Variants in PMM2 observed in about 807,000 individuals in gnomAD.
PMM2 encodes the protein phosphomannomutase 2, also known as mannose-6-phosphate isomerase.
PMM2 carries 35 observed loss-of-function variants against 33.2 expected under a neutral mutation model. The ratio of observed to expected loss-of-function variants is 1.06; its 90% confidence interval spans 0.81 to 1.40. PMM2 has a LOEUF of 1.40. Ranked by LOEUF, PMM2 falls within the 40% of genes most tolerant of loss-of-function variation. The probability of loss-of-function intolerance (pLI) is 0.00; values close to 1 mark genes in which losing one functional copy is unlikely to be tolerated. For synonymous variants in PMM2, 153 were observed against 114.7 expected, an observed-to-expected ratio of 1.33 and a Z score of -2.13; for missense variants, 386 against 306.0, an observed-to-expected ratio of 1.26 and a Z score of -1.95.
Position 8,848,535 on chromosome 16 carries a change from G to T in PMM2, c.*710G>T, listed in dbSNP as rs977331076. On this transcript the variant is annotated 3_prime_UTR_variant, in exon 8 of 8. Transcript: ENST00000268261. The stretch of plus-strand genomic sequence containing the variant: ...GTGTTCACTACACTCAGAATAGCCT[G>T]GCTGCTTCTCTGTCTCCGAGACCGG... 6.6e-6 allele frequency: 1 copy of T among 152,626 alleles called. No homozygotes were observed. The highest frequency in any genetic ancestry group is 2.4e-5 in the African/African-American group (1 of 41,472). The allele number at this position is 152,626 out of a possible 1,614,324, so 9.5% of individuals were successfully genotyped here.
intron 7 of PMM2, among the ~76,000 whole-genome samples, chr16:8,837,978 G>A (rs908947704): frequency 5.3e-5 from 8 of 152,220 alleles, no homozygotes; most frequent in African/African-American, 1.7e-4. Context: ...TGTTTCATGC[G>A]CGTCCGTGTG....
intron 7 of PMM2, among the ~76,000 whole-genome samples, chr16:8,827,848 A>ATATATATGTTATATATT (rs1289299089): frequency 0.015 from 1,027 of 69,822 alleles, 21 homozygotes; most frequent in African/African-American, 0.049. Context: ...TATAATATAT[A>ATATATATGTTATATATT]ATATATATGT....
In PMM2 at chr16:8,806,311, T is replaced by A. The variant is rs1430962288; in HGVS notation, c.256-5T>A. On this transcript the variant is annotated splice_polypyrimidine_tract_variant and splice_region_variant and intron_variant, in intron 3 of 7. Coordinates refer to ENST00000268261, the MANE Select transcript of PMM2 (RefSeq NM_000303.3). Reference sequence around the variant, plus strand: ...TCAAGTAACTCAAGTATTTTCTTCATCTAGAATATTCAAAGTCATCTGGGT... The same window carrying A: ...TCAAGTAACTCAAGTATTTTCTTCAACTAGAATATTCAAAGTCATCTGGGT... 1 of 1,564,344 alleles carries A rather than the reference T, an allele frequency of 6.4e-7. No homozygotes were observed. The highest frequency in any genetic ancestry group is 1.7e-5 in the Admixed American group (1 of 59,972).
chr16:8,845,891 A>G (rs1373109208), intron 7 of PMM2, among the ~76,000 whole-genome samples: 2 of 150,628 alleles, frequency 1.3e-5, no homozygotes, highest in Non-Finnish European at 2.9e-5. Flanking sequence ...CTGAGGCAGG[A>G]GGTTCGCTCG....
intron 7 of PMM2, among the ~76,000 whole-genome samples, chr16:8,841,380 C>T (rs1293266110): frequency 6.6e-6 from 1 of 150,818 alleles, no homozygotes; most frequent in Non-Finnish European, 1.5e-5. Flanking sequence ...GTGAAAGTGT[C>T]TACTTAGACT....
At chr16:8,832,865 G>A (rs1429847590) in intron 7 of PMM2, 48 of 985,410 alleles carry the variant, frequency 4.9e-5, no homozygotes, top group South Asian at 9.4e-5. Flanking sequence ...GTGCCCTCAC[G>A]TCCCTCAGAT....
At chr16:8,847,485 C>A (rs1367853676) in intron 7 of PMM2, among the ~76,000 whole-genome samples, 1 of 151,998 alleles carries the variant, frequency 6.6e-6, no homozygotes, top group African/African-American at 2.4e-5. Flanking sequence ...CGTGATGGCT[C>A]TCATAGGCAT....
intron 7 of PMM2, among the ~76,000 whole-genome samples, chr16:8,814,632 C>T (rs1409681132): frequency 4.6e-5 from 7 of 152,234 alleles, no homozygotes; most frequent in African/African-American, 7.2e-5. Flanking sequence ...AGGGATTTGC[C>T]GAAGGTCACA....
intron 4 of PMM2, chr16:8,809,688 G>C (rs2060667523): frequency 6.6e-6 from 1 of 152,080 alleles, no homozygotes; most frequent in Non-Finnish European, 1.5e-5. Context: ...CTGACCTCAA[G>C]GAATCCGCCC....
intron 1 of PMM2, among the ~76,000 whole-genome samples, chr16:8,800,840 C>T (rs1036587577): frequency 6.6e-6 from 1 of 152,056 alleles, no homozygotes; most frequent in Non-Finnish European, 1.5e-5. Context: ...CCCACCAGCG[C>T]GCCCGCCTAA....
At chr16:8,836,737 C>T (rs2060850739) in intron 7 of PMM2, among the ~76,000 whole-genome samples, 1 of 151,998 alleles carries the variant, frequency 6.6e-6, no homozygotes. Flanking sequence ...GAGAATAAGA[C>T]GGCCTTTTGA....
intron 7 of PMM2, among the ~76,000 whole-genome samples, chr16:8,833,342 A>T (rs1045213933): frequency 2.6e-5 from 4 of 152,164 alleles, no homozygotes; most frequent in African/African-American, 9.7e-5. Flanking sequence ...GCAAATCACA[A>T]TGGTGGGATG....
At chr16:8,835,912 T>C (rs572973449) in intron 7 of PMM2, among the ~76,000 whole-genome samples, 212 of 151,694 alleles carry the variant, frequency 1.4e-3, no homozygotes, top group African/African-American at 4.8e-3. Context: ...AGGCTTTGGA[T>C]TGGGAAGAAG....
chr16:8,832,637 C>T, intron 7 of PMM2: 2 of 985,426 alleles, frequency 2.0e-6, no homozygotes, highest in Non-Finnish European at 2.4e-6. Flanking sequence ...GCTGCAGGAG[C>T]CTCCTAACTG....
At chr16:8,827,618 ACTC>A (rs2060777139) in intron 7 of PMM2, among the ~76,000 whole-genome samples, 1 of 142,664 alleles carries the variant, frequency 7.0e-6, no homozygotes, top group Admixed American at 7.3e-5. Flanking sequence ...CTGGTCTTGA[ACTC>A]CTGACCTCAA....
chr16:8,813,183 T>G, intron 7 of PMM2, 77 bp downstream of exon 7: 1 of 934,248 alleles, frequency 1.1e-6, no homozygotes, highest in Non-Finnish European at 1.8e-6. Context: ...GGGCTGTTTT[T>G]CCTGTACCTA....
chr16:8,808,036 T>G (rs2060656668), intron 4 of PMM2: 1 of 152,200 alleles, frequency 6.6e-6, no homozygotes, highest in South Asian at 2.1e-4. Context: ...ATGTAACACC[T>G]TAATCATCAG....
chr16:8,813,447 C>T (rs1192182414), intron 7 of PMM2, among the ~76,000 whole-genome samples: 1 of 152,190 alleles, frequency 6.6e-6, no homozygotes, highest in African/African-American at 2.4e-5. Context: ...GTTTCAACCT[C>T]ATTTTTCCAC....
chr16:8,799,523 T>C (rs2060599423), intron 1 of PMM2, among the ~76,000 whole-genome samples: 1 of 151,528 alleles, frequency 6.6e-6, no homozygotes, highest in Admixed American at 6.6e-5. Context: ...GGAAAGTGCT[T>C]CTGATTTTCT....
Sources: gnomAD v4.1 joint callset for allele counts (sites outside exome capture counted in the v4.1 genomes callset) on GRCh38, gnomAD v4.1.1 for gene constraint, MANE v1.5 for transcripts, NCBI Gene and HGNC (gene_info 2026-07-23, HGNC 2026-07-21) for gene names.